CMSS1: variants seen among roughly 807,000 people sequenced by gnomAD.
CMSS1 encodes protein CMSS1.
In CMSS1, 33 loss-of-function variants were observed where a neutral mutation model predicts 43.5. That is an observed-to-expected ratio of 0.76 (90% confidence interval 0.57 to 1.01). The LOEUF (loss-of-function observed/expected upper bound fraction) is 1.01, where lower values mean the gene tolerates loss of function less well. Ranked by LOEUF, CMSS1 falls within the 50% of genes least tolerant of loss-of-function variation. CMSS1 has a pLI of 0.00. For missense variants in CMSS1, 313 were observed against 326.4 expected, an observed-to-expected ratio of 0.96 and a Z score of 0.32; for synonymous variants, 115 against 117.2, an observed-to-expected ratio of 0.98 and a Z score of 0.12.
At chr3:99,902,031 T>G (rs1706454535) in intron 1 of CMSS1, among the ~76,000 whole-genome samples, 1 of 152,180 alleles carries the variant, frequency 6.6e-6, no homozygotes, top group South Asian at 2.1e-4. Flanking sequence ...TATGAGGTCT[T>G]ACAAGAATCA....
At chr3:100,086,373 A>G (rs1192505870) in intron 1 of CMSS1, among the ~76,000 whole-genome samples, 1 of 152,190 alleles carries the variant, frequency 6.6e-6, no homozygotes, top group Non-Finnish European at 1.5e-5. Context: ...CTACTGAGAA[A>G]TGTCTTGGAA....
intron 1 of CMSS1, among the ~76,000 whole-genome samples, chr3:99,845,687 C>T (rs1943333201): frequency 6.6e-6 from 1 of 152,158 alleles, no homozygotes; most frequent in Non-Finnish European, 1.5e-5. Flanking sequence ...CAGAAATCTA[C>T]ATTGTGTCAT....
chr3:99,939,249 G>A (rs539494907), intron 1 of CMSS1, among the ~76,000 whole-genome samples: 2 of 152,286 alleles, frequency 1.3e-5, no homozygotes, highest in South Asian at 2.1e-4. Context: ...CTTGTTATAT[G>A]CCTGTGAGTG....
chr3:99,967,525 T>C (rs904242702), intron 1 of CMSS1, among the ~76,000 whole-genome samples: 1 of 152,210 alleles, frequency 6.6e-6, no homozygotes, highest in African/African-American at 2.4e-5. Context: ...AGTCCCCTCC[T>C]GGCTCCTTGT....
chr3:99,994,347 A>C (rs1709610377), intron 1 of CMSS1, among the ~76,000 whole-genome samples: 1 of 152,216 alleles, frequency 6.6e-6, no homozygotes, highest in Non-Finnish European at 1.5e-5. Context: ...AAAGTAACAA[A>C]GAAATATTGG....
intron 1 of CMSS1, among the ~76,000 whole-genome samples, chr3:100,015,962 T>C (rs1347243201): frequency 6.6e-6 from 1 of 152,198 alleles, no homozygotes; most frequent in East Asian, 1.9e-4. Context: ...AAAGACAGAT[T>C]GCCTTTTTAA....
intron 1 of CMSS1, among the ~76,000 whole-genome samples, chr3:100,046,291 A>G (rs1229249228): frequency 1.3e-5 from 2 of 151,876 alleles, no homozygotes; most frequent in African/African-American, 4.8e-5. Context: ...TAGATAGTCC[A>G]CTCCTCCTTA....
At chr3:100,175,874 C>T (rs560211731) in intron 8 of CMSS1, among the ~76,000 whole-genome samples, 1 of 152,274 alleles carries the variant, frequency 6.6e-6, no homozygotes, top group South Asian at 2.1e-4. Context: ...TCTCAACTTC[C>T]TTTTCTGCCT....
At chr3:99,924,404 T>A (rs1707222542) in intron 1 of CMSS1, 22 of 1,613,856 alleles carry the variant, frequency 1.4e-5, no homozygotes, top group Non-Finnish European at 1.9e-5. Context: ...CACAACTTTG[T>A]CCAACTACGA....
intron 8 of CMSS1, among the ~76,000 whole-genome samples, chr3:100,172,741 G>A (rs964929703): frequency 6.6e-6 from 1 of 152,194 alleles, no homozygotes; most frequent in Non-Finnish European, 1.5e-5. Flanking sequence ...GTCTTGGGGA[G>A]ACTCCCATTT....
At chr3:99,988,339 TCCAAAAAAAA>T (rs1462622540) in intron 1 of CMSS1, among the ~76,000 whole-genome samples, 5 of 28,350 alleles carry the variant, frequency 1.8e-4, no homozygotes, top group South Asian at 9.1e-4. Context: ...CTACTAAAAA[TCCAAAAAAAA>T]AAAAAAAAAA....
intron 1 of CMSS1, among the ~76,000 whole-genome samples, chr3:100,146,260 G>A (rs1365984474): frequency 6.6e-6 from 1 of 152,256 alleles, no homozygotes; most frequent in Middle Eastern, 3.4e-3. Context: ...GATTCTTAGG[G>A]TAAGAATTTA....
chr3:100,021,872 C>G (rs2064823349), intron 1 of CMSS1, among the ~76,000 whole-genome samples: 1 of 147,470 alleles, frequency 6.8e-6, no homozygotes, highest in Non-Finnish European at 1.5e-5. Flanking sequence ...ATAGCTGATA[C>G]TTTATGAAAC....
At chr3:99,881,511 A>G (rs1705726485) in intron 1 of CMSS1, among the ~76,000 whole-genome samples, 1 of 151,614 alleles carries the variant, frequency 6.6e-6, no homozygotes, top group Admixed American at 6.6e-5. Context: ...ACCTTGTCAT[A>G]TAATTTGTAG....
At chr3:100,007,016 T>C (rs1710008057) in intron 1 of CMSS1, among the ~76,000 whole-genome samples, 1 of 152,236 alleles carries the variant, frequency 6.6e-6, no homozygotes, top group Non-Finnish European at 1.5e-5. Flanking sequence ...CTTTCATTAC[T>C]TACTGGCTTT....
At chr3:100,111,816 G>C (rs2066495918) in intron 1 of CMSS1, among the ~76,000 whole-genome samples, 1 of 152,096 alleles carries the variant, frequency 6.6e-6, no homozygotes, top group South Asian at 2.1e-4. Context: ...CTCAAAGAAG[G>C]CTCAAGTATT....
At chr3:99,958,203 CATTATTATTATTATTATTATT>C (rs71688408) in intron 1 of CMSS1, among the ~76,000 whole-genome samples, 6 of 132,708 alleles carry the variant, frequency 4.5e-5, no homozygotes, top group East Asian at 2.2e-4. Context: ...GCCCTGCATG[CATTATTATTATTATTATTATT>C]ATTATTATTA....
chr3:100,060,493 C>T (rs2107342753), intron 1 of CMSS1, among the ~76,000 whole-genome samples: 1 of 151,948 alleles, frequency 6.6e-6, no homozygotes, highest in East Asian at 1.9e-4. Context: ...AGCATCTTCA[C>T]CCAAGAAAAA....
At chr3:100,082,242 T>C (rs2065944099) in intron 1 of CMSS1, among the ~76,000 whole-genome samples, 1 of 152,224 alleles carries the variant, frequency 6.6e-6, no homozygotes, top group Non-Finnish European at 1.5e-5. Context: ...ATTCATAGAA[T>C]AGAATCTGTT....
Sources: allele counts gnomAD v4.1 joint callset (sites outside exome capture counted in the v4.1 genomes callset), GRCh38; gene constraint gnomAD v4.1.1; transcripts MANE v1.5; gene names NCBI Gene and HGNC (gene_info 2026-07-23, HGNC 2026-07-21).